RSPH14: variants seen among roughly 807,000 people sequenced by gnomAD.
RSPH14 encodes radial spoke head 14 homolog.
In RSPH14, 20 loss-of-function variants were observed where a neutral mutation model predicts 26.7. The observed-to-expected ratio is 0.75, with a 90% CI of 0.53 to 1.09. The LOEUF (loss-of-function observed/expected upper bound fraction) is 1.09, where lower values mean the gene tolerates loss of function less well. Among genes scored for constraint, RSPH14 ranks in the 50% least tolerant of loss-of-function variants. The probability of loss-of-function intolerance (pLI) is 0.00; values close to 1 mark genes in which losing one functional copy is unlikely to be tolerated. For synonymous variants in RSPH14, 177 were observed against 189.3 expected (o/e 0.93, Z 0.53); for missense variants, 449 against 457.2 (o/e 0.98, Z 0.16).
At chr22:23,099,961 A>T (rs191344467) in intron 4 of RSPH14, among the ~76,000 whole-genome samples, 1 of 152,354 alleles carries the variant, frequency 6.6e-6, no homozygotes, top group East Asian at 1.9e-4. Flanking sequence ...ATGGTGTGGG[A>T]TCCTTCAGAA....
the RSPH14 span, chr22:23,159,350 C>T: frequency 8.3e-6 from 10 of 1,204,098 alleles, no homozygotes; most frequent in African/African-American, 3.1e-5. Context: ...TGTAGCCAGT[C>T]GTCTGTTCCC....
At chr22:23,164,981 C>T in the RSPH14 span, among the ~76,000 whole-genome samples, 1 of 148,138 alleles carries the variant, frequency 6.8e-6, no homozygotes, top group Non-Finnish European at 1.5e-5. Context: ...CTCTTCTGTG[C>T]CCAACGGCTG....
rs773988506 is a variant in RSPH14, at chr22:23,103,278, T to C, written c.421+30748A>G. Among the ~76,000 whole-genome samples the C allele has an allele frequency of 1.0e-3, 158 of 152,218 alleles. 3 individuals are homozygous for C. Among genetic ancestry groups the C allele is most frequent in the Non-Finnish European group, 2.5e-4 (17 of 68,026 alleles). ...ACTGGCAAATACTACAAAACAGTTC[T>C]ACTCCTCCCCAGCCCCCGCCTCCAT... On this transcript the variant is annotated intron_variant, in intron 4 of 6. Coordinates refer to ENST00000216036, the MANE Select transcript of RSPH14 (RefSeq NM_014433.3).
the RSPH14 span, chr22:23,161,385 A>G: frequency 3.1e-6 from 3 of 981,902 alleles, no homozygotes; most frequent in East Asian, 7.8e-5. Flanking sequence ...CAGGCCTTGA[A>G]CAGCAGGCCC....
intron 4 of RSPH14, among the ~76,000 whole-genome samples, chr22:23,103,559 C>T (rs1485483474): frequency 2.6e-5 from 4 of 152,188 alleles, no homozygotes; most frequent in Admixed American, 2.6e-4. Flanking sequence ...TTTGCCAGAG[C>T]GGCTCTTCAC....
intron 3 of RSPH14, among the ~76,000 whole-genome samples, chr22:23,135,482 ACT>A (rs1184132743): frequency 6.8e-6 from 1 of 146,940 alleles, no homozygotes; most frequent in Non-Finnish European, 1.5e-5. Context: ...ACAGAGCGAG[ACT>A]CTGTCTCAAA....
the RSPH14 span, chr22:23,162,869 T>G: frequency 5.0e-6 from 2 of 398,968 alleles, no homozygotes; most frequent in Non-Finnish European, 5.1e-6. Flanking sequence ...CTTTTTCTAT[T>G]CATTCCCCCT....
At chr22:23,124,119 A>G in intron 4 of RSPH14, 1 of 213,548 alleles carries the variant, frequency 4.7e-6, no homozygotes, top group South Asian at 5.2e-5. Flanking sequence ...AAACTAGGCC[A>G]GCTGGGATTC....
chr22:23,163,606 G>GCCCCCCCCC, the RSPH14 span: 6 of 125,220 alleles, frequency 4.8e-5, no homozygotes, highest in Admixed American at 8.3e-5. Context: ...CAAGGTGAAA[G>GCCCCCCCCC]CCCCCCCCCC....
chr22:23,070,867 G>T (rs1484963771), intron 4 of RSPH14: 2 of 152,102 alleles, frequency 1.3e-5, no homozygotes, highest in Non-Finnish European at 2.9e-5. Flanking sequence ...GACAGAGGGC[G>T]CCGGGGATGC....
chr22:23,147,436 C>T (rs1404309617), upstream of RSPH14, among the ~76,000 whole-genome samples: 1 of 151,986 alleles, frequency 6.6e-6, no homozygotes, highest in Non-Finnish European at 1.5e-5. Context: ...CTGAAGCAAT[C>T]CTTCTGCCTC....
At chr22:23,171,342 C>G in the RSPH14 span, among the ~76,000 whole-genome samples, 1 of 152,126 alleles carries the variant, frequency 6.6e-6, no homozygotes, top group East Asian at 1.9e-4. Context: ...AGGAAGTCAT[C>G]ATACTGATGC....
At chr22:23,131,084 C>T (rs2070352528) in intron 4 of RSPH14, 1 of 153,158 alleles carries the variant, frequency 6.5e-6, no homozygotes, top group Non-Finnish European at 1.5e-5. Context: ...GCCTGCCAGC[C>T]TGGGATGGGT....
chr22:23,145,705 C>T (rs2070727824), upstream of RSPH14, among the ~76,000 whole-genome samples: 1 of 152,228 alleles, frequency 6.6e-6, no homozygotes, highest in South Asian at 2.1e-4. Context: ...TCCTCATTTC[C>T]GGAGCGCAAA....
chr22:23,112,739 C>G (rs767732615), intron 4 of RSPH14, among the ~76,000 whole-genome samples: 7 of 152,140 alleles, frequency 4.6e-5, no homozygotes, highest in Non-Finnish European at 7.4e-5. Context: ...AATGGGGAGC[C>G]TGGCCAGGAG....
At chr22:23,162,714 G>C in the RSPH14 span, 1 of 456,188 alleles carries the variant, frequency 2.2e-6, no homozygotes, top group South Asian at 1.5e-5. Context: ...CACCCGTCTC[G>C]TGCTGTTGCT....
Position 23,134,082 on chromosome 22 carries a change from G to T in RSPH14, c.365C>A (p.Pro122Gln). 6.2e-7 allele frequency: 1 copy of T among 1,613,686 alleles called. No homozygotes were observed. The highest frequency in any genetic ancestry group is 8.5e-7 in the Non-Finnish European group (1 of 1,179,734). ...ALSFLLNDPSPVCRGNLYKAY... is the reference protein window; with the variant it reads ...ALSFLLNDPSQVCRGNLYKAY... ...CTTGTACAGGTTCCCCCGGCAGACT[G>T]GGCTGGGGTCATTCAGCAGGAAGGA... Residue 122 changes from proline to glutamine, a missense_variant, in exon 4 of 7, where the codon CCA becomes CAA. Pro to Gln is a moderately conservative substitution (Grantham distance 76, BLOSUM62 -1). Coordinates refer to ENST00000216036, the MANE Select transcript of RSPH14 (RefSeq NM_014433.3).
At chr22:23,112,047 C>G (rs2069672798) in intron 4 of RSPH14, among the ~76,000 whole-genome samples, 1 of 152,176 alleles carries the variant, frequency 6.6e-6, no homozygotes, top group Non-Finnish European at 1.5e-5. Flanking sequence ...TGGGGGTAAC[C>G]AGGAAAGGAC....
At chr22:23,117,958 C>T (rs1388043185) in intron 4 of RSPH14, among the ~76,000 whole-genome samples, 1 of 152,234 alleles carries the variant, frequency 6.6e-6, no homozygotes, top group Non-Finnish European at 1.5e-5. Flanking sequence ...GAATGTCCTT[C>T]CAGGTGCCGG....
Sources: allele counts gnomAD v4.1 joint callset (sites outside exome capture counted in the v4.1 genomes callset), GRCh38; gene constraint gnomAD v4.1.1; transcripts MANE v1.5; gene names NCBI Gene and HGNC (gene_info 2026-07-23, HGNC 2026-07-21).